BNC2: variants seen among roughly 807,000 people sequenced by gnomAD.
BNC2 encodes basonuclin zinc finger protein 2.
In BNC2, 20 loss-of-function variants were observed where a neutral mutation model predicts 76.3. That is an observed-to-expected ratio of 0.26 (90% CI 0.18 to 0.38). The LOEUF (loss-of-function observed/expected upper bound fraction) is 0.38. BNC2 is among the 10% of genes least tolerant of loss of function. The pLI is 1.00. For missense variants in BNC2, 1,382 were observed against 1,399.8 expected, an observed-to-expected ratio of 0.99 and a Z score of 0.20; for synonymous variants, 582 against 514.8, an observed-to-expected ratio of 1.13 and a Z score of -1.77.
At chr9:16,780,396 AC>A (rs540218380) in intron 1 of BNC2, among the ~76,000 whole-genome samples, 13 of 151,522 alleles carry the variant, frequency 8.6e-5, no homozygotes, top group African/African-American at 3.1e-4. Flanking sequence ...ACATGGGGAA[AC>A]CCCGTCTCTA....
chr9:16,471,108 G>C (rs1017919239), intron 5 of BNC2, among the ~76,000 whole-genome samples: 2 of 152,170 alleles, frequency 1.3e-5, no homozygotes, highest in East Asian at 1.9e-4. Context: ...GCGTGATGTG[G>C]ATGTGAGACC....
intron 5 of BNC2, among the ~76,000 whole-genome samples, chr9:16,496,470 T>C (rs921806186): frequency 6.6e-6 from 1 of 152,226 alleles, no homozygotes; most frequent in African/African-American, 2.4e-5. Flanking sequence ...CCCTAAGTTG[T>C]GCTTAAGCAC....
chr9:16,485,103 CACACACAG>C lies in BNC2; in HGVS notation c.670-47587_670-47580del, dbSNP rs778541961. Among the ~76,000 whole-genome samples the C allele has an allele frequency of 3.6e-3, 400 of 109,976 alleles. 4 individuals are homozygous for C. Among genetic ancestry groups the C allele is most frequent in the African/African-American group, 0.023 (380 of 16,432 alleles). 72.1% of individuals were successfully genotyped at this position (109,976 alleles called of 152,430 possible). ...GAAATTACACACACACACACAGAGA[CACACACAG>C]ACACACACACACACACACACTATTT... On this transcript the variant is annotated intron_variant, in intron 5 of 6. Coordinates refer to ENST00000380672, the MANE Select transcript of BNC2 (RefSeq NM_017637.6).
At chr9:16,811,230 C>CAAAAAAACAAAAAAAAAAAA (rs1818042438) in intron 1 of BNC2, among the ~76,000 whole-genome samples, 1 of 97,544 alleles carries the variant, frequency 1.0e-5, no homozygotes, top group Non-Finnish European at 2.2e-5. Flanking sequence ...CTCAAAAGAC[C>CAAAAAAACAAAAAAAAAAAA]AAAAAAAAAA....
intron 1 of BNC2, among the ~76,000 whole-genome samples, chr9:16,768,543 G>T (rs1468643209): frequency 6.6e-6 from 1 of 152,142 alleles, no homozygotes; most frequent in Non-Finnish European, 1.5e-5. Flanking sequence ...AAATGCACAT[G>T]TTAGTAGAAT....
Position 16,663,243 on chromosome 9 carries a change from C to T in BNC2, c.330+64554G>A, listed in dbSNP as rs143895069. Reference sequence around the variant, plus strand: ...CTCCCGGGTTCAAGCCATTCTCCTGCCTCAGCCGCCCGAGTAGCTGGGCTG... The same window carrying T: ...CTCCCGGGTTCAAGCCATTCTCCTGTCTCAGCCGCCCGAGTAGCTGGGCTG... On this transcript the variant is annotated intron_variant, in intron 3 of 6. Coordinates refer to ENST00000380672, the MANE Select transcript of BNC2 (RefSeq NM_017637.6). Among the ~76,000 whole-genome samples, 1,023 of 150,988 alleles carry T rather than the reference C, an allele frequency of 6.8e-3. 11 individuals carry two copies. The highest frequency in any genetic ancestry group is 0.024 in the African/African-American group (993 of 41,194).
At chr9:16,577,935 T>C (rs764714164) in intron 4 of BNC2, among the ~76,000 whole-genome samples, 1 of 152,186 alleles carries the variant, frequency 6.6e-6, no homozygotes, top group Non-Finnish European at 1.5e-5. Context: ...CAGAGAAAGC[T>C]GCTGTGGGTG....
At chr9:16,678,261 CTTTTTCTTTTT>C (rs1822713441) in intron 3 of BNC2, among the ~76,000 whole-genome samples, 1 of 75,890 alleles carries the variant, frequency 1.3e-5, no homozygotes, top group South Asian at 6.2e-4. Context: ...TGTTTTCTTT[CTTTTTCTTTTT>C]TTTTTTTTTT....
At chr9:16,672,648 C>T (rs1433661787) in intron 3 of BNC2, among the ~76,000 whole-genome samples, 1 of 152,168 alleles carries the variant, frequency 6.6e-6, no homozygotes, top group Non-Finnish European at 1.5e-5. Flanking sequence ...GTTCTAAATC[C>T]ATTCTCTTTA....
At chr9:16,761,193 A>G (rs1325357061) in intron 1 of BNC2, among the ~76,000 whole-genome samples, 2 of 152,186 alleles carry the variant, frequency 1.3e-5, no homozygotes, top group East Asian at 1.9e-4. Context: ...GGTTGCAGTG[A>G]GCCATGATTG....
intron 5 of BNC2, among the ~76,000 whole-genome samples, chr9:16,528,894 G>C (rs528460771): frequency 3.9e-5 from 6 of 152,194 alleles, no homozygotes; most frequent in Non-Finnish European, 5.9e-5. Flanking sequence ...TACCACCGTA[G>C]TGGCTTATAA....
intron 1 of BNC2, among the ~76,000 whole-genome samples, chr9:16,781,092 A>C (rs886741525): frequency 9.2e-5 from 14 of 152,158 alleles, no homozygotes; most frequent in Non-Finnish European, 7.3e-5. Context: ...CACTCTAAAA[A>C]AATGGGATCT....
chr9:16,855,516 A>C (rs1027163978), intron 1 of BNC2, among the ~76,000 whole-genome samples: 1 of 152,232 alleles, frequency 6.6e-6, no homozygotes, highest in Non-Finnish European at 1.5e-5. Context: ...TTGAACATCA[A>C]AATCTAACAA....
intron 3 of BNC2, among the ~76,000 whole-genome samples, chr9:16,708,650 G>A (rs1335820791): frequency 1.3e-5 from 2 of 152,046 alleles, no homozygotes; most frequent in East Asian, 1.9e-4. Context: ...AGGGCGGGGT[G>A]AGAGAGAAAA....
chr9:16,847,429 C>A (rs1308714783), intron 1 of BNC2, among the ~76,000 whole-genome samples: 1 of 104,602 alleles, frequency 9.6e-6, no homozygotes, highest in Non-Finnish European at 1.8e-5. Flanking sequence ...GGGCAACAAC[C>A]CTGAAGCTTT....
At chr9:16,438,588 C>G (rs546371042) in intron 5 of BNC2, among the ~76,000 whole-genome samples, 17 of 152,226 alleles carry the variant, frequency 1.1e-4, no homozygotes, top group African/African-American at 3.9e-4. Context: ...AATAATGACT[C>G]CATCACTTTC....
intron 1 of BNC2, among the ~76,000 whole-genome samples, chr9:16,818,602 CTG>C (rs778658424): frequency 2.2e-4 from 34 of 152,094 alleles, no homozygotes; most frequent in Non-Finnish European, 4.3e-4. Flanking sequence ...GTGATTATTA[CTG>C]TGTCTTTTAT....
chr9:16,677,722 G>C (rs780081140), intron 3 of BNC2, among the ~76,000 whole-genome samples: 1 of 152,082 alleles, frequency 6.6e-6, no homozygotes, highest in Non-Finnish European at 1.5e-5. Flanking sequence ...GTTAAGAAGG[G>C]AGAGGGTAAC....
chr9:16,443,317 T>C (rs1287981903), intron 5 of BNC2, among the ~76,000 whole-genome samples: 2 of 152,178 alleles, frequency 1.3e-5, no homozygotes, highest in Admixed American at 6.5e-5. Context: ...CATGTCTAGA[T>C]TGGCACAGTG....
Sources: gnomAD v4.1 joint callset for allele counts (sites outside exome capture counted in the v4.1 genomes callset) on GRCh38, gnomAD v4.1.1 for gene constraint, MANE v1.5 for transcripts, NCBI Gene and HGNC (gene_info 2026-07-23, HGNC 2026-07-21) for gene names.